Variants in KIF26B observed in about 807,000 individuals in gnomAD.
The protein encoded by KIF26B is kinesin-like protein KIF26B.
In KIF26B, 63 loss-of-function variants were observed where a neutral mutation model predicts 151.2. The observed-to-expected ratio is 0.42, with a 90% CI of 0.34 to 0.51. KIF26B has a LOEUF of 0.51. Among genes scored for constraint, KIF26B ranks in the 20% least tolerant of loss-of-function variants. The probability of loss-of-function intolerance (pLI) is 0.07; values close to 1 mark genes in which losing one functional copy is unlikely to be tolerated. For synonymous variants in KIF26B, 1,357 were observed against 1,262.1 expected, an observed-to-expected ratio of 1.08 and a Z score of -1.59; for missense variants, 2,813 against 2,913.6, an observed-to-expected ratio of 0.97 and a Z score of 0.79.
rs2044868949 is a variant in KIF26B, at chr1:245,708,477, T to C, written c.*5871T>C. On this transcript the variant is annotated 3_prime_UTR_variant, in exon 15 of 15. Coordinates refer to ENST00000407071, the MANE Select transcript of KIF26B (RefSeq NM_018012.4). ...ACCATTCCTCTAAGGTGTGTGTACA[T>C]ACACGGATGTGTGTGTACAGGAGGT... The C allele has an allele frequency of 6.6e-6, 1 of 152,222 alleles. No homozygotes were observed. 9.4% of individuals were successfully genotyped at this position (152,222 alleles called of 1,614,324 possible). A position where few individuals can be genotyped will look rare whatever the true frequency, so the allele number is the denominator to read the frequency against.
intron 2 of KIF26B, among the ~76,000 whole-genome samples, chr1:245,345,213 A>G (rs1039008673): frequency 6.6e-6 from 1 of 152,144 alleles, no homozygotes; most frequent in Non-Finnish European, 1.5e-5. Flanking sequence ...TGAAGAGCCC[A>G]CAAGCCCTCA....
chr1:245,510,421 G>A lies in KIF26B; in HGVS notation c.1167-30346G>A, dbSNP rs1428084912. Among the ~76,000 whole-genome samples, 7 of 152,236 alleles carry A rather than the reference G, an allele frequency of 4.6e-5. No homozygotes were observed. In the East Asian group the frequency reaches 9.6e-4, roughly 21 times the overall value. ...TTCCATCAGCTTTGTCTGCACATAC[G>A]TGGCTAAATGTGTACAGGGATGTAC... On this transcript the variant is annotated intron_variant, in intron 4 of 14. Coordinates refer to ENST00000407071, the MANE Select transcript of KIF26B (RefSeq NM_018012.4).
At chr1:245,444,851 A>AT (rs1350853901) in intron 4 of KIF26B, among the ~76,000 whole-genome samples, 1 of 152,206 alleles carries the variant, frequency 6.6e-6, no homozygotes, top group Non-Finnish European at 1.5e-5. Flanking sequence ...AGTGCCACAG[A>AT]TTCCAAAATC....
intron 2 of KIF26B, among the ~76,000 whole-genome samples, chr1:245,185,686 CT>C (rs1461370395): frequency 2.0e-5 from 3 of 152,092 alleles, no homozygotes; most frequent in Non-Finnish European, 2.9e-5. Flanking sequence ...AGTTTATTCA[CT>C]TGTATTTCTA....
chr1:245,361,710 G>T (rs753826772), intron 2 of KIF26B, among the ~76,000 whole-genome samples: 1 of 152,230 alleles, frequency 6.6e-6, no homozygotes, highest in African/African-American at 2.4e-5. Context: ...CACTACTGCG[G>T]TTGTTATTTT....
intron 2 of KIF26B, among the ~76,000 whole-genome samples, chr1:245,335,811 A>G (rs2795075): frequency 7.5e-6 from 1 of 134,226 alleles, no homozygotes; most frequent in African/African-American, 2.9e-5. Flanking sequence ...GGTCCCACGC[A>G]GGGAAAGAAG....
At chr1:245,297,929 C>G (rs1162815751) in intron 2 of KIF26B, among the ~76,000 whole-genome samples, 1 of 152,140 alleles carries the variant, frequency 6.6e-6, no homozygotes, top group African/African-American at 2.4e-5. Context: ...CTCTGTTGCC[C>G]AGGCTGGAGT....
rs2044779497 is a variant in KIF26B, at chr1:245,702,087, A to T, written c.6179-371A>T. On this transcript the variant is annotated intron_variant, in intron 14 of 14. Transcript: ENST00000407071. This position sits in a 1 kb window ranked among gnomAD's most constrained non-coding sequence, Gnocchi z 4.1. Reference sequence around the variant, plus strand: ...CAACTGAGACCCCCAAAAGGGAGGGACTCTCCCCACCTCAACTTGAATTAT... The same window carrying T: ...CAACTGAGACCCCCAAAAGGGAGGGTCTCTCCCCACCTCAACTTGAATTAT... Among the ~76,000 whole-genome samples, 1 of 143,118 alleles carries T rather than the reference A, an allele frequency of 7.0e-6. No individual in the cohort carries two copies. Among genetic ancestry groups the T allele is most frequent in the South Asian group, 2.4e-4 (1 of 4,180 alleles). 93.9% of individuals were successfully genotyped at this position (143,118 alleles called of 152,430 possible).
intron 2 of KIF26B, among the ~76,000 whole-genome samples, chr1:245,290,047 T>C (rs1462321732): frequency 6.6e-6 from 1 of 152,164 alleles, no homozygotes; most frequent in Non-Finnish European, 1.5e-5. Flanking sequence ...ATCCACTTTA[T>C]TTTAGAATTG....
At chr1:245,659,759 C>T (rs2147931603) in intron 10 of KIF26B, among the ~76,000 whole-genome samples, 1 of 152,148 alleles carries the variant, frequency 6.6e-6, no homozygotes, top group South Asian at 2.1e-4. Context: ...AGCAAGTAGG[C>T]CGGGCGCGGT....
rs566164663 is a variant in KIF26B, at chr1:245,626,346, A to C, written c.2098+14370A>C. On this transcript the variant is annotated intron_variant, in intron 9 of 14. Transcript: ENST00000407071. ...ACTGGCTGTACTAATTTACATTCCC[A>C]CCAACAGTGTGTAAGAGTTCCCTTT... is the stretch of plus-strand genomic sequence containing the variant. 3.4e-3 allele frequency among the ~76,000 whole-genome samples: 516 copies of C among 151,194 alleles called. 4 individuals carry two copies. The highest frequency in any genetic ancestry group is 0.012 in the African/African-American group (486 of 41,206).
chr1:245,587,021 T>C (rs1393885465), intron 5 of KIF26B, among the ~76,000 whole-genome samples: 2 of 152,174 alleles, frequency 1.3e-5, no homozygotes, highest in Admixed American at 6.5e-5. Flanking sequence ...GGAGGCATGA[T>C]TGCCATCCCA....
At chr1:245,207,136 G>T (rs138884054) in intron 2 of KIF26B, among the ~76,000 whole-genome samples, 194 of 152,296 alleles carry the variant, frequency 1.3e-3, no homozygotes, top group African/African-American at 4.3e-3. Flanking sequence ...TGAATAAATA[G>T]AATAGGATGC....
chr1:245,580,731 C>T (rs2043167758), intron 5 of KIF26B, among the ~76,000 whole-genome samples: 1 of 152,196 alleles, frequency 6.6e-6, no homozygotes, highest in African/African-American at 2.4e-5. Context: ...CTTTCGCTTC[C>T]TGGAGCTTAA....
At chr1:245,534,086 C>T (rs886417358) in intron 4 of KIF26B, among the ~76,000 whole-genome samples, 7 of 152,008 alleles carry the variant, frequency 4.6e-5, no homozygotes, top group Admixed American at 6.5e-5. Context: ...GAAGACTGAG[C>T]TTACTGGGAC....
At chr1:245,520,114 T>TGA (rs10650644) in intron 4 of KIF26B, among the ~76,000 whole-genome samples, 1,815 of 132,432 alleles carry the variant, frequency 0.014, 14 homozygotes, top group East Asian at 0.038. Context: ...CTCAACTAAC[T>TGA]GAGAGAGAGA....
chr1:245,543,725 G>A (rs767169851), intron 5 of KIF26B, among the ~76,000 whole-genome samples: 2 of 152,108 alleles, frequency 1.3e-5, no homozygotes, highest in Admixed American at 6.5e-5. Context: ...CGAGGCGGGC[G>A]GATCACGAGG....
intron 5 of KIF26B, among the ~76,000 whole-genome samples, chr1:245,587,391 C>T (rs59075761): frequency 1.3e-5 from 2 of 152,032 alleles, no homozygotes; most frequent in African/African-American, 2.4e-5. Context: ...CCCAGAGCCT[C>T]GCACAGTACC....
chr1:245,273,239 C>A (rs1337900536), intron 2 of KIF26B, among the ~76,000 whole-genome samples: 1 of 151,826 alleles, frequency 6.6e-6, no homozygotes, highest in African/African-American at 2.4e-5. Flanking sequence ...CATGGTGAAA[C>A]CCTGTCTCTA....
Sources: gnomAD v4.1 joint callset for allele counts (sites outside exome capture counted in the v4.1 genomes callset) on GRCh38, gnomAD v4.1.1 for gene constraint, Gnocchi (gnomAD v3.1) non-coding constraint, MANE v1.5 for transcripts, NCBI Gene and HGNC (gene_info 2026-07-23, HGNC 2026-07-21) for gene names.